Variants in TNIK observed in about 807,000 individuals in gnomAD.
The protein encoded by TNIK is TRAF2 and NCK interacting kinase, also known as TRAF2 and NCK-interacting protein kinase.
Under a neutral mutation model 191.3 loss-of-function variants are expected in TNIK, and 49 were observed. That is an observed-to-expected ratio of 0.26 (90% CI 0.20 to 0.32). The LOEUF is 0.32. TNIK is among the 10% of genes least tolerant of loss of function. The pLI is 1.00. For synonymous variants in TNIK, 594 were observed against 600.9 expected, an observed-to-expected ratio of 0.99 and a Z score of 0.17; for missense variants, 1,155 against 1,702.3, an observed-to-expected ratio of 0.68 and a Z score of 5.66.
chr3:171,270,789 C>T (rs371664972), intron 2 of TNIK, among the ~76,000 whole-genome samples: 104 of 152,220 alleles, frequency 6.8e-4, no homozygotes, highest in African/African-American at 2.4e-3. Context: ...ACACTCAGTG[C>T]CTCAGTTTTT....
intron 2 of TNIK, among the ~76,000 whole-genome samples, chr3:171,304,698 A>G (rs1237186697): frequency 6.6e-6 from 1 of 152,168 alleles, no homozygotes; most frequent in African/African-American, 2.4e-5. Flanking sequence ...TGATGAGTTC[A>G]TGTCCTTTGT....
chr3:171,078,989 G>C (rs1005062375), intron 28 of TNIK, among the ~76,000 whole-genome samples: 4 of 152,176 alleles, frequency 2.6e-5, no homozygotes, highest in Non-Finnish European at 2.9e-5. Context: ...TGGAAGACTT[G>C]CTGCTCATGA....
rs112401329 is a variant in TNIK at position 171,074,234 on chromosome 3, G to A, written c.3449-2911C>T. On this transcript the variant is annotated intron_variant, in intron 28 of 32. Coordinates refer to ENST00000436636, the MANE Select transcript of TNIK (RefSeq NM_015028.4). ...TGGCAGCAACGTGGATGGAGCTGTA[G>A]GCCAATCTCCTAGGGTAAAATAACC... Among the ~76,000 whole-genome samples the A allele has an allele frequency of 4.9e-3, 747 of 152,136 alleles. 4 individuals are homozygous for A. Among genetic ancestry groups the A allele is most frequent in the Non-Finnish European group, 5.7e-3 (389 of 67,996 alleles).
intron 4 of TNIK, among the ~76,000 whole-genome samples, chr3:171,198,255 T>C (rs1738956364): frequency 1.0e-5 from 1 of 98,820 alleles, no homozygotes. Context: ...AGAGCCAGAC[T>C]CCGTCTCAAA....
chr3:171,453,859 T>C (rs765215112), intron 1 of TNIK, among the ~76,000 whole-genome samples: 14 of 152,060 alleles, frequency 9.2e-5, no homozygotes, highest in Non-Finnish European at 1.8e-4. Context: ...CCAGGACATG[T>C]AAAAAAGAGT....
intron 1 of TNIK, among the ~76,000 whole-genome samples, chr3:171,420,054 T>C (rs1210372205): frequency 6.6e-6 from 1 of 152,186 alleles, no homozygotes; most frequent in Admixed American, 6.5e-5. Context: ...AGTGTCCAAG[T>C]GATCAAACTA....
At chr3:171,354,638 C>A (rs758103964) in intron 2 of TNIK, among the ~76,000 whole-genome samples, 1 of 152,194 alleles carries the variant, frequency 6.6e-6, no homozygotes, top group Admixed American at 6.5e-5. Flanking sequence ...TCCCTAGAGA[C>A]TGTTGCACAG....
intron 10 of TNIK, among the ~76,000 whole-genome samples, chr3:171,165,030 A>G (rs1364907087): frequency 6.6e-6 from 1 of 152,182 alleles, no homozygotes; most frequent in African/African-American, 2.4e-5. Flanking sequence ...GCCCATGCCT[A>G]TAATACCAGC....
chr3:171,380,029 GCA>G (rs35890103), intron 1 of TNIK, among the ~76,000 whole-genome samples: 65,114 of 117,066 alleles, frequency 0.56, 14,938 homozygotes, highest in East Asian at 0.91. Context: ...ACACACACGC[GCA>G]CACACACACA....
chr3:171,124,285 C>G (rs1728176402), intron 17 of TNIK, among the ~76,000 whole-genome samples: 1 of 152,104 alleles, frequency 6.6e-6, no homozygotes, highest in Non-Finnish European at 1.5e-5. Flanking sequence ...CCTACTAAAA[C>G]CAAAAACCAA....
At chr3:171,236,470 A>G (rs1744282363) in intron 2 of TNIK, among the ~76,000 whole-genome samples, 1 of 152,204 alleles carries the variant, frequency 6.6e-6, no homozygotes, top group South Asian at 2.1e-4. Flanking sequence ...GAGGCTCACT[A>G]GAGACATTAG....
intron 1 of TNIK, among the ~76,000 whole-genome samples, chr3:171,444,788 G>C (rs1183550992): frequency 6.6e-6 from 1 of 151,978 alleles, no homozygotes; most frequent in Non-Finnish European, 1.5e-5. Flanking sequence ...TTATGAAAAA[G>C]TTGCACTTAC....
chr3:171,295,281 G>A (rs974663322), intron 2 of TNIK, among the ~76,000 whole-genome samples: 3 of 152,162 alleles, frequency 2.0e-5, no homozygotes, highest in African/African-American at 7.2e-5. Context: ...AGGAGAAGAA[G>A]GAACCATCAT....
At chr3:171,239,222 ATTTT>A (rs1226253624) in intron 2 of TNIK, among the ~76,000 whole-genome samples, 1 of 152,192 alleles carries the variant, frequency 6.6e-6, no homozygotes, top group African/African-American at 2.4e-5. Context: ...GAAATATATT[ATTTT>A]GTTTGATTAA....
chr3:171,210,411 G>A (rs1740651646), intron 4 of TNIK, among the ~76,000 whole-genome samples: 1 of 152,166 alleles, frequency 6.6e-6, no homozygotes, highest in Non-Finnish European at 1.5e-5. Context: ...AACAGGCTTT[G>A]GTATCAAACA....
intron 1 of TNIK, among the ~76,000 whole-genome samples, chr3:171,401,580 A>G (rs1431039311): frequency 6.6e-6 from 1 of 152,042 alleles, no homozygotes; most frequent in East Asian, 1.9e-4. Flanking sequence ...GTCTTAAAAT[A>G]GTCTCTGTGC....
At chr3:171,319,306 T>C (rs1754947473) in intron 2 of TNIK, among the ~76,000 whole-genome samples, 1 of 152,218 alleles carries the variant, frequency 6.6e-6, no homozygotes, top group Admixed American at 6.5e-5. Context: ...CATAGTTTTA[T>C]AGAAAATGTT....
At chr3:171,290,203 C>T (rs531261518) in intron 2 of TNIK, among the ~76,000 whole-genome samples, 4 of 152,118 alleles carry the variant, frequency 2.6e-5, no homozygotes, top group Non-Finnish European at 4.4e-5. Flanking sequence ...CTTATTATTC[C>T]CAGGTGCTCA....
rs113913488 is a variant in TNIK, at chr3:171,198,211, C to A, written c.307-3576G>T. On this transcript the variant is annotated intron_variant, in intron 4 of 32. Transcript: ENST00000436636. Reference sequence around the variant, plus strand: ...CCAGGAGGCGGAGCTTGCAGTGAGCCGAGATTGCACCACTGTGCTCCAGCC... The same window carrying A: ...CCAGGAGGCGGAGCTTGCAGTGAGCAGAGATTGCACCACTGTGCTCCAGCC... Among the ~76,000 whole-genome samples, 703 of 150,766 alleles carry A rather than the reference C, an allele frequency of 4.7e-3. 9 individuals are homozygous for A. The highest frequency in any genetic ancestry group is 0.016 in the African/African-American group (661 of 41,076).
Sources: gnomAD v4.1 joint callset for allele counts (sites outside exome capture counted in the v4.1 genomes callset) on GRCh38, gnomAD v4.1.1 for gene constraint, MANE v1.5 for transcripts, NCBI Gene and HGNC (gene_info 2026-07-23, HGNC 2026-07-21) for gene names.